Variants in CUL4B observed in about 807,000 individuals in gnomAD.
CUL4B encodes cullin 4B.
Under a neutral mutation model 69.2 loss-of-function variants are expected in CUL4B, and 1 was observed. That is an observed-to-expected ratio of 0.01 (90% CI 0.01 to 0.07). CUL4B has a LOEUF of 0.07. Among genes scored for constraint, CUL4B ranks in the 10% least tolerant of loss-of-function variants. The probability of loss-of-function intolerance (pLI) is 1.00; values close to 1 mark genes in which losing one functional copy is unlikely to be tolerated. For missense variants in CUL4B, 328 were observed against 638.8 expected (o/e 0.51, Z 5.24); for synonymous variants, 237 against 223.2 (o/e 1.06, Z -0.55).
At position 120,544,572 on chromosome X, in the gene CUL4B, C is replaced by T; in HGVS notation, c.992G>A (p.Gly331Asp). The change falls in exon 6 of 20, where the codon GGC becomes GAC. Residue 331 changes from glycine (G) to aspartate (D), a missense_variant. Gly to Asp is a moderately conservative substitution (Grantham distance 94). Around this residue, in one of 4 missense-constraint regions of CUL4B, gnomAD observed 126 missense variants for 202.5 expected, o/e 0.62. Coordinates refer to ENST00000371322, the MANE Select transcript of CUL4B (RefSeq NM_001079872.2). Reference sequence around the variant, plus strand: ...TTCCCTCTCAATCAAGAGAAGAATGCCATCAATTGTCTTATTCTGCACTTT... The same window carrying T: ...TTCCCTCTCAATCAAGAGAAGAATGTCATCAATTGTCTTATTCTGCACTTT... ...DQKVQNKTIDGILLLIERERN... is the reference protein window; with the variant it reads ...DQKVQNKTIDDILLLIERERN... The T allele has an allele frequency of 1.7e-6, 2 of 1,207,605 alleles. No homozygotes were observed. The highest frequency in any genetic ancestry group is 1.8e-5 in the South Asian group (1 of 56,900).
At chrX:120,556,910 TATA>T (rs376527896) in intron 2 of CUL4B, among the ~76,000 whole-genome samples, 3,801 of 80,265 alleles carry the variant, frequency 0.047, 176 homozygotes, top group African/African-American at 0.15. Context: ...GAAGTATATA[TATA>T]TTTTTTTTTT....
At chrX:120,549,280 G>A (rs1358811538) in intron 2 of CUL4B, among the ~76,000 whole-genome samples, 7 of 112,174 alleles carry the variant, frequency 6.2e-5, no homozygotes, top group South Asian at 3.7e-4. Flanking sequence ...TTGGCAGAGC[G>A]CGGTGGCTCA....
intron 8 of CUL4B, among the ~76,000 whole-genome samples, chrX:120,543,495 AACACACACACACACACACAC>A (rs60058698): frequency 3.1e-5 from 3 of 98,151 alleles, no homozygotes; most frequent in East Asian, 3.3e-4. Context: ...TTACCTTCTA[AACACACACACACACACACAC>A]ACACACACAC....
chrX:120,551,833 T>C (rs1315466912), intron 2 of CUL4B, among the ~76,000 whole-genome samples: 1 of 111,558 alleles, frequency 9.0e-6, no homozygotes, highest in Non-Finnish European at 1.9e-5. Context: ...TAGTACTAAG[T>C]GCTTTCCATA....
At position 120,541,709 on chromosome X, in the gene CUL4B, G is replaced by A; in HGVS notation, c.1336C>T (p.Leu446Phe). 1 of 1,171,931 alleles carries A rather than the reference G, an allele frequency of 8.5e-7. No homozygotes were observed. Among genetic ancestry groups the A allele is most frequent in the Non-Finnish European group, 1.2e-6 (1 of 859,675 alleles). Residue 446 changes from leucine to phenylalanine, a missense_variant, in exon 10 of 20, where the codon CTC becomes TTC. Leu to Phe is a conservative substitution (Grantham distance 22). Transcript: ENST00000371322. Reference sequence around the variant, plus strand: ...TCTTGAATTCGGTTTTCATCAAGGAGGTTATTTAAACCTGTATTTTAAAAC... The same window carrying A: ...TCTTGAATTCGGTTTTCATCAAGGAAGTTATTTAAACCTGTATTTTAAAAC... Reference protein sequence around the residue: ...TAILQKGLNNLLDENRIQDLS... With the variant: ...TAILQKGLNNFLDENRIQDLS...
At chrX:120,535,663 G>A (rs1199701922) in intron 16 of CUL4B, among the ~76,000 whole-genome samples, 167 bp downstream of exon 16, 2 of 82,725 alleles carry the variant, frequency 2.4e-5, no homozygotes, top group Non-Finnish European at 4.3e-5. Context: ...CCAAGATAGC[G>A]CCACTGCACT....
Position 120,540,457 on chromosome X carries a change from G to A in CUL4B, c.1549C>T (p.Leu517=), listed in dbSNP as rs1923922346. 8.3e-7 allele frequency: 1 copy of A among 1,201,158 alleles called. No individual in the cohort carries two copies. The highest frequency in any genetic ancestry group is 1.1e-6 in the Non-Finnish European group (1 of 886,059). Residue 517 remains leucine (L), a synonymous_variant, in exon 11 of 20, where the codon CTG becomes TTG. Coordinates refer to ENST00000371322, the MANE Select transcript of CUL4B (RefSeq NM_001079872.2). Reference sequence around the variant, plus strand: ...GCATTGATAAATTTCTCATTCTTCAGAAAGCAGATATCAATTATATGGTCA... The same window carrying A: ...GCATTGATAAATTTCTCATTCTTCAAAAAGCAGATATCAATTATATGGTCA... ...KVDHIIDICF[L]KNEKFINAMK...
chrX:120,529,592 T>A (rs1446478671), intron 19 of CUL4B, among the ~76,000 whole-genome samples: 2 of 111,809 alleles, frequency 1.8e-5, no homozygotes, highest in Admixed American at 1.9e-4. Flanking sequence ...AACGTTTCCA[T>A]TTAATGACCA....
intron 10 of CUL4B, 142 bp downstream of exon 10, chrX:120,541,460 C>A: frequency 5.9e-6 from 3 of 508,543 alleles, no homozygotes; most frequent in Non-Finnish European, 1.1e-5. Flanking sequence ...GATCGTGCCA[C>A]CGCACTCCAG....
In CUL4B at chrX:120,553,140, G is replaced by A. The variant is rs186653843; in HGVS notation, c.672+4784C>T. The stretch of plus-strand genomic sequence containing the variant: ...CAAAATAACAAAGAGTAGAATTTTA[G>A]TTGTACATTTTAAAAAACAGCAACA... On this transcript the variant is annotated intron_variant, in intron 2 of 19. Coordinates refer to ENST00000371322, the MANE Select transcript of CUL4B (RefSeq NM_001079872.2). 3.5e-3 allele frequency among the ~76,000 whole-genome samples: 390 copies of A among 111,659 alleles called. 2 individuals carry two copies. The highest frequency in any genetic ancestry group is 5.6e-3 in the Non-Finnish European group (297 of 53,102).
rs1924352845 is a variant in CUL4B, at chrX:120,546,671, T to C, written c.777-55A>G. ...CGTTTGGTACAAGTCATATGTGCCA[T>C]GTGACAGAGAGCATATTAGTCTTAA... On this transcript the variant is annotated intron_variant, in intron 3 of 19. Transcript: ENST00000371322. The C allele has an allele frequency of 3.5e-6, 3 of 866,312 alleles. No homozygotes were observed. In the African/African-American group the frequency reaches 5.9e-5, roughly 17 times the overall value. 71.4% of individuals were successfully genotyped at this position (866,312 alleles called of 1,213,427 possible).
chrX:120,543,983 G>GA (rs1380327009), intron 7 of CUL4B, 131 bp downstream of exon 7: 1 of 570,710 alleles, frequency 1.8e-6, no homozygotes, highest in Non-Finnish European at 3.0e-6. Context: ...AGAGAGAAAA[G>GA]AAAGGAGCAC....
chrX:120,570,740 G>A (rs1238563164), downstream of CUL4B, among the ~76,000 whole-genome samples: 1 of 112,148 alleles, frequency 8.9e-6, no homozygotes, highest in Non-Finnish European at 1.9e-5. Context: ...ATACAGCATT[G>A]AACAATGAAT....
chrX:120,553,555 T>C (rs1263357347), intron 2 of CUL4B, among the ~76,000 whole-genome samples: 1 of 111,683 alleles, frequency 9.0e-6, no homozygotes, highest in Non-Finnish European at 1.9e-5. Context: ...GAAAGATAAA[T>C]GTTACACGCT....
At chrX:120,557,798 A>G (rs1381429527) in intron 2 of CUL4B, 126 bp downstream of exon 2, 1 of 446,349 alleles carries the variant, frequency 2.2e-6, no homozygotes, top group Non-Finnish European at 3.9e-6. Flanking sequence ...TTCATCAATT[A>G]ATGGAGAAAC....
chrX:120,534,724 T>G (rs746895126), intron 16 of CUL4B, 138 bp from the exon 17 acceptor site: 11 of 490,823 alleles, frequency 2.2e-5, no homozygotes, highest in Non-Finnish European at 4.0e-5. Flanking sequence ...CCACTTGACG[T>G]GGTAATACAG....
At chrX:120,560,018 T>C (rs1925188717) in intron 1 of CUL4B, 65 bp downstream of exon 1, 16 of 1,210,358 alleles carry the variant, frequency 1.3e-5, no homozygotes, top group East Asian at 5.9e-5. Context: ...TTAACATAAA[T>C]AGAGCACGTG....
upstream of CUL4B, among the ~76,000 whole-genome samples, chrX:120,563,704 G>A (rs1244204640): frequency 8.9e-6 from 1 of 112,147 alleles, no homozygotes; most frequent in Non-Finnish European, 1.9e-5. Flanking sequence ...CTTTATAAGG[G>A]AGGATTAACT....
In CUL4B at chrX:120,526,604, G is replaced by T. The variant is rs1219414900; in HGVS notation, c.*157C>A. 2 of 382,629 alleles carry T rather than the reference G, an allele frequency of 5.2e-6. No individual in the cohort carries two copies. The highest frequency in any genetic ancestry group is 9.7e-6 in the Non-Finnish European group (2 of 206,204). 31.5% of individuals were successfully genotyped at this position (382,629 alleles called of 1,213,427 possible). ...AAGTATTACTCTTTAAAATGGGCATGTTAACCACTGAGAAAAAGTCCACTC... is the reference window on the plus strand; with the variant it reads ...AAGTATTACTCTTTAAAATGGGCATTTTAACCACTGAGAAAAAGTCCACTC... On this transcript the variant is annotated 3_prime_UTR_variant, in exon 20 of 20. Coordinates refer to ENST00000371322, the MANE Select transcript of CUL4B (RefSeq NM_001079872.2).
Sources: gnomAD v4.1 joint callset for allele counts (sites outside exome capture counted in the v4.1 genomes callset) on GRCh38, gnomAD v4.1.1 for gene constraint, gnomAD v4.1.1 regional missense constraint, MANE v1.5 for transcripts, NCBI Gene and HGNC (gene_info 2026-07-23, HGNC 2026-07-21) for gene names.